The following TENM2 variants were observed in gnomAD, a reference collection of about 807,000 sequenced individuals.
The protein encoded by TENM2 is teneurin-2.
TENM2 carries 52 observed loss-of-function variants against 245.2 expected under a neutral mutation model. The observed-to-expected ratio is 0.21, with a 90% confidence interval of 0.17 to 0.27. The LOEUF (loss-of-function observed/expected upper bound fraction) is 0.27. Ranked by LOEUF, TENM2 falls within the 10% of genes least tolerant of loss-of-function variation. The pLI is 1.00. For missense variants in TENM2, 3,046 were observed against 3,666.8 expected (o/e 0.83, Z 4.37); for synonymous variants, 1,363 against 1,438.9 (o/e 0.95, Z 1.19).
chr5:167,646,506 G>A (rs1295993516), intron 2 of TENM2, among the ~76,000 whole-genome samples: 3 of 151,730 alleles, frequency 2.0e-5, no homozygotes, highest in Non-Finnish European at 4.4e-5. Flanking sequence ...AGGAAACCAA[G>A]CTGAACCTCG....
At chr5:168,215,649 A>G (rs2152561157) in intron 21 of TENM2, among the ~76,000 whole-genome samples, 1 of 152,388 alleles carries the variant, frequency 6.6e-6, no homozygotes, top group Non-Finnish European at 1.5e-5. Context: ...AGCCTGGGCA[A>G]CAGAGCGAGA....
At chr5:167,393,376 T>TA (rs2127368211) in intron 2 of TENM2, among the ~76,000 whole-genome samples, 1 of 152,192 alleles carries the variant, frequency 6.6e-6, no homozygotes, top group African/African-American at 2.4e-5. Context: ...AAAACTTTAT[T>TA]AAAATGCTGA....
At chr5:166,985,302 C>T in the TENM2 span, among the ~76,000 whole-genome samples, 7 of 151,818 alleles carry the variant, frequency 4.6e-5, no homozygotes, top group African/African-American at 9.7e-5. Flanking sequence ...AACAGATGCC[C>T]GAGAAAAGGG....
chr5:167,028,557 T>A, the TENM2 span, among the ~76,000 whole-genome samples: 6 of 152,194 alleles, frequency 3.9e-5, no homozygotes, highest in East Asian at 9.6e-4. Flanking sequence ...CCAAATTTCT[T>A]TTGTGAATTT....
chr5:168,229,234 C>T (rs1204918886), intron 25 of TENM2, among the ~76,000 whole-genome samples: 1 of 84,688 alleles, frequency 1.2e-5, no homozygotes, highest in Non-Finnish European at 1.9e-5. Flanking sequence ...GACACAATAG[C>T]TAGAAAGGGC....
chr5:167,388,023 C>A (rs923456388), intron 2 of TENM2, among the ~76,000 whole-genome samples: 2 of 152,120 alleles, frequency 1.3e-5, no homozygotes, highest in Admixed American at 1.3e-4. Flanking sequence ...TAAGGTGATA[C>A]TGGCTTCATA....
At chr5:168,107,731 C>T (rs891461472) in intron 9 of TENM2, among the ~76,000 whole-genome samples, 1 of 152,196 alleles carries the variant, frequency 6.6e-6, no homozygotes, top group Non-Finnish European at 1.5e-5. Flanking sequence ...AAGTGTGAGG[C>T]CCTGCTTCTT....
At chr5:167,262,662 T>G in the TENM2 span, among the ~76,000 whole-genome samples, 2 of 152,116 alleles carry the variant, frequency 1.3e-5, no homozygotes, top group African/African-American at 4.8e-5. Flanking sequence ...TATTTTATAT[T>G]TTTAAATATG....
chr5:168,138,751 C>G (rs371242021), intron 12 of TENM2, among the ~76,000 whole-genome samples: 6 of 152,244 alleles, frequency 3.9e-5, no homozygotes, highest in Admixed American at 6.5e-5. Context: ...GGTAACATGT[C>G]TGGGGTCTAC....
the TENM2 span, among the ~76,000 whole-genome samples, chr5:167,192,432 G>A: frequency 6.6e-6 from 1 of 152,036 alleles, no homozygotes; most frequent in Non-Finnish European, 1.5e-5. Context: ...ACTTATAAGA[G>A]CCAAACACAA....
chr5:167,403,819 T>G (rs975239646), intron 2 of TENM2, among the ~76,000 whole-genome samples: 1 of 151,926 alleles, frequency 6.6e-6, no homozygotes, highest in African/African-American at 2.4e-5. Context: ...AGAAAGTTGG[T>G]GGTGACTTTG....
intron 3 of TENM2, among the ~76,000 whole-genome samples, chr5:167,933,791 C>T (rs755880331): frequency 7.2e-5 from 11 of 152,168 alleles, no homozygotes; most frequent in Admixed American, 3.9e-4. Context: ...AAACCTCAGC[C>T]TCCTGATGTG....
At chr5:167,135,795 C>CA in the TENM2 span, among the ~76,000 whole-genome samples, 69 of 147,530 alleles carry the variant, frequency 4.7e-4, no homozygotes, top group Non-Finnish European at 8.0e-4. Context: ...GACTCCATCT[C>CA]AAAAAAAAAA....
the TENM2 span, among the ~76,000 whole-genome samples, chr5:167,133,956 C>A: frequency 6.6e-6 from 1 of 152,268 alleles, no homozygotes; most frequent in South Asian, 2.1e-4. Context: ...AATTTGACAT[C>A]TACTTCAGAG....
intron 13 of TENM2, among the ~76,000 whole-genome samples, chr5:168,174,686 G>A (rs955636658): frequency 2.6e-5 from 4 of 152,312 alleles, no homozygotes; most frequent in Middle Eastern, 3.4e-3. Context: ...TCCTCCGAGC[G>A]TGTCAGCCCT....
intron 2 of TENM2, among the ~76,000 whole-genome samples, chr5:167,423,524 G>A (rs1190643249): frequency 1.3e-5 from 2 of 152,154 alleles, no homozygotes; most frequent in East Asian, 1.9e-4. Context: ...ATGCAAATTA[G>A]GGAAAGAGAC....
chr5:167,774,142 A>AAGGG (rs199799763), intron 2 of TENM2, among the ~76,000 whole-genome samples: 112 of 136,536 alleles, frequency 8.2e-4, no homozygotes, highest in Middle Eastern at 3.6e-3. Context: ...TCAATAATAA[A>AAGGG]AGGGAGGGAG....
chr5:167,438,102 A>G (rs1441632227), intron 2 of TENM2, among the ~76,000 whole-genome samples: 3 of 152,214 alleles, frequency 2.0e-5, no homozygotes, highest in African/African-American at 2.4e-5. Context: ...ATAGTCTACT[A>G]TGAACTATCT....
At chr5:167,060,445 G>A in the TENM2 span, among the ~76,000 whole-genome samples, 1 of 152,076 alleles carries the variant, frequency 6.6e-6, no homozygotes, top group African/African-American at 2.4e-5. Context: ...GAGGTCAGGA[G>A]TTTGAGAGCA....
Sources: allele counts gnomAD v4.1 joint callset (sites outside exome capture counted in the v4.1 genomes callset), GRCh38; gene constraint gnomAD v4.1.1; transcripts MANE v1.5; gene names NCBI Gene and HGNC (gene_info 2026-07-23, HGNC 2026-07-21).